Variants in EGFLAM observed in about 807,000 individuals in gnomAD.
The protein encoded by EGFLAM is pikachurin.
EGFLAM carries 79 observed loss-of-function variants against 113.1 expected under a neutral mutation model. The ratio of observed to expected loss-of-function variants is 0.70; its 90% CI spans 0.58 to 0.84. The LOEUF is 0.84. Ranked by LOEUF, EGFLAM falls within the 40% of genes least tolerant of loss-of-function variation. The probability of loss-of-function intolerance (pLI) is 0.00; values close to 1 mark genes in which losing one functional copy is unlikely to be tolerated. For missense variants in EGFLAM, 1,265 were observed against 1,291.6 expected, an observed-to-expected ratio of 0.98 and a Z score of 0.32; for synonymous variants, 504 against 487.6, an observed-to-expected ratio of 1.03 and a Z score of -0.44.
At chr5:38,408,486 C>A (rs1302689301) in intron 9 of EGFLAM, among the ~76,000 whole-genome samples, 1 of 152,134 alleles carries the variant, frequency 6.6e-6, no homozygotes, top group Non-Finnish European at 1.5e-5. Flanking sequence ...CATTTGAAGT[C>A]ATGGCCACAG....
intron 6 of EGFLAM, among the ~76,000 whole-genome samples, chr5:38,370,717 T>C (rs1379648294): frequency 6.6e-6 from 1 of 152,210 alleles, no homozygotes; most frequent in Non-Finnish European, 1.5e-5. Flanking sequence ...CAGTTTTCTT[T>C]CACAGTCACA....
At chr5:38,388,135 T>C (rs1740712799) in intron 6 of EGFLAM, among the ~76,000 whole-genome samples, 2 of 152,184 alleles carry the variant, frequency 1.3e-5, no homozygotes, top group Admixed American at 1.3e-4. Context: ...ACAAACATGA[T>C]TTGAGACAGT....
chr5:38,447,106 G>C (rs1006829050), intron 17 of EGFLAM, among the ~76,000 whole-genome samples: 2 of 152,096 alleles, frequency 1.3e-5, no homozygotes, highest in Admixed American at 1.3e-4. Context: ...AGATATTGCT[G>C]TTATTTCTCC....
At chr5:38,459,017 C>T (rs560539997) in intron 20 of EGFLAM, among the ~76,000 whole-genome samples, 90 of 151,806 alleles carry the variant, frequency 5.9e-4, no homozygotes, top group African/African-American at 2.1e-3. Context: ...AGGCAATCCT[C>T]CCCCCTCCCT....
rs542502345 is a variant in EGFLAM at position 38,276,471 on chromosome 5, G to A, written c.97+17620G>A. On this transcript the variant is annotated intron_variant, in intron 1 of 21. Coordinates refer to ENST00000322350, the MANE Select transcript of EGFLAM (RefSeq NM_152403.4). ...TTAGCAATAAATGCCTAATAAAAAA[G>A]GAAGAAAGATATCAATTAAATAATC... Among the ~76,000 whole-genome samples the A allele has an allele frequency of 6.2e-4, 94 of 152,078 alleles. 1 individual carries two copies. Among genetic ancestry groups the A allele is most frequent in the African/African-American group, 2.2e-3 (91 of 41,474 alleles).
At chr5:38,449,325 G>A (rs1464354450) in intron 18 of EGFLAM, among the ~76,000 whole-genome samples, 1 of 152,152 alleles carries the variant, frequency 6.6e-6, no homozygotes, top group Non-Finnish European at 1.5e-5. Context: ...GGCATTGGAT[G>A]TCCCTGGTAA....
intron 1 of EGFLAM, among the ~76,000 whole-genome samples, chr5:38,327,357 T>G (rs1738918107): frequency 6.6e-6 from 1 of 152,204 alleles, no homozygotes; most frequent in Non-Finnish European, 1.5e-5. Flanking sequence ...AAAATATTTT[T>G]GAAAGTGAAC....
chr5:38,435,051 C>A, intron 15 of EGFLAM, 86 bp from the exon 16 acceptor site: 3 of 1,137,646 alleles, frequency 2.6e-6, no homozygotes, highest in Non-Finnish European at 1.3e-6. Context: ...CCATTTTGTT[C>A]CCCAACAGGG....
At chr5:38,264,667 C>T (rs944939586) in intron 1 of EGFLAM, among the ~76,000 whole-genome samples, 1 of 152,314 alleles carries the variant, frequency 6.6e-6, no homozygotes, top group East Asian at 1.9e-4. Context: ...CTTCCCAAAG[C>T]ATGGCAATTG....
intron 6 of EGFLAM, chr5:38,403,155 AAGAG>A (rs1741169640): frequency 6.6e-6 from 1 of 152,218 alleles, no homozygotes; most frequent in Non-Finnish European, 1.5e-5. Flanking sequence ...GAGAAAGAGA[AAGAG>A]AGAGAGGGGC....
At chr5:38,441,593 TAC>T (rs3048229) in intron 17 of EGFLAM, among the ~76,000 whole-genome samples, 5,834 of 146,614 alleles carry the variant, frequency 0.04, 211 homozygotes, top group African/African-American at 0.1. Flanking sequence ...CGCTGCTTTG[TAC>T]ACACACACAC....
rs775408574 is a variant in EGFLAM, at chr5:38,431,192, C to A, written c.2070C>A (p.Leu690=). The change falls in exon 15 of 22, where the codon CTC becomes CTA. Residue 690 remains leucine, a synonymous_variant. Transcript: ENST00000322350. ...GTGVLRSEDP[L]TLGNWHELRV... ...CCTTCCACAGGAGTGAAGATCCCCT[C>A]ACCCTGGGCAACTGGCACGAGCTTC... 3 of 1,614,042 alleles carry A rather than the reference C, an allele frequency of 1.9e-6. No individual in the cohort carries two copies. The highest frequency in any genetic ancestry group is 2.2e-5 in the East Asian group (1 of 44,894).
chr5:38,421,993 G>A (rs866161763), intron 12 of EGFLAM, among the ~76,000 whole-genome samples: 5 of 152,102 alleles, frequency 3.3e-5, no homozygotes, highest in South Asian at 2.1e-4. Flanking sequence ...GACAAATAAC[G>A]GTGTGATCCA....
intron 21 of EGFLAM, 44 bp from the exon 22 acceptor site, chr5:38,463,788 A>T (rs778249050): frequency 1.2e-6 from 2 of 1,604,762 alleles, no homozygotes; most frequent in African/African-American, 2.7e-5. Flanking sequence ...CCCTGCGGAC[A>T]CCTGTCCTTT....
intron 1 of EGFLAM, among the ~76,000 whole-genome samples, chr5:38,292,929 C>A (rs561486144): frequency 6.6e-6 from 1 of 152,262 alleles, no homozygotes; most frequent in African/African-American, 2.4e-5. Flanking sequence ...TTTTCTTCCC[C>A]ATGGAACATA....
chr5:38,382,417 T>G (rs544043760), intron 6 of EGFLAM, among the ~76,000 whole-genome samples: 1 of 152,342 alleles, frequency 6.6e-6, no homozygotes, highest in Non-Finnish European at 1.5e-5. Flanking sequence ...GCTTCACTGG[T>G]GTAAACAAAG....
intron 1 of EGFLAM, among the ~76,000 whole-genome samples, chr5:38,261,990 C>T (rs1757511094): frequency 6.6e-6 from 1 of 152,204 alleles, no homozygotes; most frequent in African/African-American, 2.4e-5. Flanking sequence ...GGTGTGGACA[C>T]ACCACTCATT....
intron 19 of EGFLAM, among the ~76,000 whole-genome samples, chr5:38,457,313 G>T (rs528129693): frequency 1.3e-5 from 2 of 152,126 alleles, no homozygotes; most frequent in Non-Finnish European, 2.9e-5. Flanking sequence ...TAAAACAATA[G>T]AAGTGGGCTC....
chr5:38,311,633 T>G (rs1221368437), intron 1 of EGFLAM, among the ~76,000 whole-genome samples: 1 of 152,176 alleles, frequency 6.6e-6, no homozygotes, highest in Non-Finnish European at 1.5e-5. Flanking sequence ...GTTTCTTCTG[T>G]TTTTGGCAAT....
Sources: gnomAD v4.1 joint callset for allele counts (sites outside exome capture counted in the v4.1 genomes callset) on GRCh38, gnomAD v4.1.1 for gene constraint, MANE v1.5 for transcripts, NCBI Gene and HGNC (gene_info 2026-07-23, HGNC 2026-07-21) for gene names.